The following RERE variants were observed in gnomAD, a reference collection of about 807,000 sequenced individuals.
The protein encoded by RERE is arginine-glutamic acid dipeptide repeats protein.
A neutral mutation model predicts 146.1 loss-of-function variants in RERE; 40 were observed. That is an observed-to-expected ratio of 0.27 (90% CI 0.21 to 0.36). The LOEUF (loss-of-function observed/expected upper bound fraction) is 0.36, where lower values mean the gene tolerates loss of function less well. Ranked by LOEUF, RERE falls within the 10% of genes least tolerant of loss-of-function variation. The pLI is 1.00. For missense variants in RERE, 1,933 were observed against 2,138.7 expected, an observed-to-expected ratio of 0.90 and a Z score of 1.90; for synonymous variants, 1,003 against 866.0, an observed-to-expected ratio of 1.16 and a Z score of -2.78.
Position 8,364,284 on chromosome 1 carries a change from C to G in RERE, c.1541-29G>C. The G allele has an allele frequency of 6.2e-7, 1 of 1,603,486 alleles. No homozygotes were observed. The highest frequency in any genetic ancestry group is 2.2e-5 in the East Asian group (1 of 44,830). ...TGTGAGGGAAGTGGTGGGGGCCAAC[C>G]TTGGAAACCATCCCTCTCCCTGGGG... On this transcript the variant is annotated intron_variant, in intron 14 of 22. Coordinates refer to ENST00000400908, the MANE Select transcript of RERE (RefSeq NM_001042681.2). This position sits in a 1 kb window ranked among gnomAD's most constrained non-coding sequence, Gnocchi z 5.1.
chr1:8,501,144 T>A (rs375544252), intron 8 of RERE, among the ~76,000 whole-genome samples: 1 of 97,092 alleles, frequency 1.0e-5, no homozygotes, highest in Non-Finnish European at 2.2e-5. Flanking sequence ...CCCGGCCAGC[T>A]GCCCCGTCCG....
chr1:8,487,396 T>C (rs1004471400), intron 10 of RERE, among the ~76,000 whole-genome samples: 1 of 152,002 alleles, frequency 6.6e-6, no homozygotes, highest in Non-Finnish European at 1.5e-5. Context: ...CTGGGCAACA[T>C]AGTGAGACCC....
chr1:8,742,696 T>C (rs1356683241), intron 1 of RERE, among the ~76,000 whole-genome samples: 1 of 151,896 alleles, frequency 6.6e-6, no homozygotes, highest in African/African-American at 2.4e-5. Flanking sequence ...AGGCTAAAAT[T>C]AGCCAGGCAT....
chr1:8,446,732 T>C (rs1644325439), intron 11 of RERE, among the ~76,000 whole-genome samples: 1 of 152,174 alleles, frequency 6.6e-6, no homozygotes, highest in South Asian at 2.1e-4. Context: ...TGGAGTGCTG[T>C]GGCGCCATCT....
chr1:8,786,370 A>G lies in RERE; in HGVS notation c.-145+30790T>C, dbSNP rs1195847717. ...TTTTCCAACAGTATAGATGTCATGA[A>G]TCAGATCCTCCATGCAGATGATGCC... On this transcript the variant is annotated intron_variant, in intron 1 of 22. Coordinates refer to ENST00000400908, the MANE Select transcript of RERE (RefSeq NM_001042681.2). 4 of 840,334 alleles carry G rather than the reference A, an allele frequency of 4.8e-6. No homozygotes were observed. In the African/African-American group the frequency reaches 5.0e-5, roughly 10 times the overall value. The allele number at this position is 840,334 out of a possible 1,614,324, so 52.1% of individuals were successfully genotyped here.
chr1:8,618,193 A>G (rs35271674), intron 3 of RERE, among the ~76,000 whole-genome samples: 3,763 of 152,308 alleles, frequency 0.025, 143 homozygotes, highest in African/African-American at 0.085. Flanking sequence ...CTAAACATCA[A>G]CATCACAATC....
At chr1:8,793,772 G>A (rs1045316942) in intron 1 of RERE, among the ~76,000 whole-genome samples, 1 of 152,120 alleles carries the variant, frequency 6.6e-6, no homozygotes, top group Non-Finnish European at 1.5e-5. Context: ...GATTAGACTG[G>A]AATAAACAAT....
rs377022473 is a variant in RERE at position 8,799,687 on chromosome 1, G to A, written c.-145+17473C>T. 8.5e-5 allele frequency among the ~76,000 whole-genome samples: 13 copies of A among 152,178 alleles called. No individual in the cohort carries two copies. In the South Asian group the frequency reaches 2.5e-3, roughly 29 times the overall value. ...CTTGTCCAATCCGCAGCCCAGGACA[G>A]GTTTGAATGAGGCCCAAAACAAATT... On this transcript the variant is annotated intron_variant, in intron 1 of 22. Coordinates refer to ENST00000400908, the MANE Select transcript of RERE (RefSeq NM_001042681.2).
At chr1:8,624,488 T>C in intron 2 of RERE, 108 bp from the exon 3 acceptor site, 1 of 661,220 alleles carries the variant, frequency 1.5e-6, no homozygotes, top group East Asian at 2.9e-5. Context: ...CACATATCTT[T>C]TATTGTAAAT....
In RERE at chr1:8,364,111, T is replaced by C; in HGVS notation, c.1685A>G (p.Glu562Gly). 1 of 1,614,186 alleles carries C rather than the reference T, an allele frequency of 6.2e-7. No individual in the cohort carries two copies. Among genetic ancestry groups the C allele is most frequent in the Non-Finnish European group, 8.5e-7 (1 of 1,180,028 alleles). The change falls in exon 15 of 23, where the codon GAG becomes GGG. Residue 562 changes from glutamate to glycine, a missense_variant. Glu to Gly is a moderately conservative substitution (Grantham distance 98). This residue lies in a region of RERE where 1,255 missense variants were observed against 1,153.8 expected (regional missense o/e 1.09). Transcript: ENST00000400908. This position sits in a 1 kb window ranked among gnomAD's most constrained non-coding sequence, Gnocchi z 5.1. ...ATGCTTCCCACTGAGCCCATCATCC[T>C]CTTCCTTGACGGGTTTGAACATAAA... ...PPFMFKPVKE[E>G]DDGLSGKHSM...
At chr1:8,785,395 C>T (rs2124565609) in intron 1 of RERE, among the ~76,000 whole-genome samples, 1 of 152,340 alleles carries the variant, frequency 6.6e-6, no homozygotes, top group African/African-American at 2.4e-5. Context: ...AGCATACATT[C>T]TTCAGACATA....
intron 12 of RERE, 64 bp downstream of exon 12, chr1:8,422,663 A>T: frequency 4.2e-6 from 5 of 1,199,854 alleles, no homozygotes; most frequent in Non-Finnish European, 6.2e-6. Context: ...ATAAGATCAA[A>T]TGTGGAGAGG....
chr1:8,630,724 TCATA>T, intron 2 of RERE, among the ~76,000 whole-genome samples: 1 of 152,246 alleles, frequency 6.6e-6, no homozygotes, highest in Non-Finnish European at 1.5e-5. Flanking sequence ...TGTCACTCAG[TCATA>T]CATACATACG....
chr1:8,551,981 A>G (rs1331660257), intron 6 of RERE, among the ~76,000 whole-genome samples: 1 of 152,242 alleles, frequency 6.6e-6, no homozygotes, highest in African/African-American at 2.4e-5. Flanking sequence ...AAGTGTGATG[A>G]AATAAGATCA....
At chr1:8,502,046 GC>G (rs1376277572) in intron 8 of RERE, among the ~76,000 whole-genome samples, 1 of 90,080 alleles carries the variant, frequency 1.1e-5, no homozygotes, top group African/African-American at 4.0e-5. Context: ...GGGGGGGTCA[GC>G]CCCCCGCCTG....
rs1232913061 is a variant in RERE, at chr1:8,781,367, AAAC to A, written c.-145+35790_-145+35792del. ...GCAAGACTCCGTCTCAAAAAAAAAA[AAAC>A]AACTTTTTTTTAAATTAGCTGGGTG... On this transcript the variant is annotated intron_variant, in intron 1 of 22. Coordinates refer to ENST00000400908, the MANE Select transcript of RERE (RefSeq NM_001042681.2). Among the ~76,000 whole-genome samples the A allele has an allele frequency of 1.8e-3, 278 of 151,618 alleles. 3 individuals carry two copies. The highest frequency in any genetic ancestry group is 2.6e-3 in the Non-Finnish European group (177 of 67,870).
At position 8,361,811 on chromosome 1, in the gene RERE, A is replaced by G. The variant is rs541962869; in HGVS notation, c.1968T>C (p.Ser656=). The G allele has an allele frequency of 6.2e-7, 1 of 1,614,136 alleles. No homozygotes were observed. Among genetic ancestry groups the G allele is most frequent in the African/African-American group, 1.3e-5 (1 of 75,068 alleles). Residue 656 remains serine (S), a synonymous_variant, in exon 17 of 23, where the codon TCT becomes TCC. Transcript: ENST00000400908. ...SNKRQREKVA[S]DTEEADRTSS... is the part of the protein sequence containing the mutation. Reference sequence around the variant, plus strand: ...TGGTCCTGTCAGCCTCCTCCGTATCAGAGGCCACCTTCTCCCGCTGGCGTT... The same window carrying G: ...TGGTCCTGTCAGCCTCCTCCGTATCGGAGGCCACCTTCTCCCGCTGGCGTT...
chr1:8,390,755 AG>A (rs1367893278), intron 12 of RERE, among the ~76,000 whole-genome samples: 1 of 152,186 alleles, frequency 6.6e-6, no homozygotes, highest in African/African-American at 2.4e-5. Context: ...GCTATACAAG[AG>A]GGAACTCCTG....
intron 1 of RERE, among the ~76,000 whole-genome samples, chr1:8,664,315 A>G (rs1638522644): frequency 6.6e-6 from 1 of 152,088 alleles, no homozygotes. Flanking sequence ...TTCTTATACT[A>G]GGCCAACCAG....
Sources: allele counts gnomAD v4.1 joint callset (sites outside exome capture counted in the v4.1 genomes callset), GRCh38; gene constraint gnomAD v4.1.1; regional missense constraint gnomAD v4.1.1; non-coding constraint Gnocchi (gnomAD v3.1); transcripts MANE v1.5; gene names NCBI Gene and HGNC (gene_info 2026-07-23, HGNC 2026-07-21).